The following ECT2L variants were observed in gnomAD, a reference collection of about 807,000 sequenced individuals.
ECT2L encodes epithelial cell transforming 2 like, also known as epithelial cell-transforming sequence 2 oncogene-like.
A neutral mutation model predicts 122.8 loss-of-function variants in ECT2L; 126 were observed. The ratio of observed to expected loss-of-function variants is 1.03; its 90% CI spans 0.89 to 1.19. ECT2L has a LOEUF of 1.19. Ranked by LOEUF, ECT2L falls within the 50% of genes most tolerant of loss-of-function variation. The pLI is 0.00. For synonymous variants in ECT2L, 385 were observed against 381.8 expected, an observed-to-expected ratio of 1.01 and a Z score of -0.10; for missense variants, 1,012 against 1,064.1, an observed-to-expected ratio of 0.95 and a Z score of 0.68.
At chr6:138,855,552 T>C (rs1029277235) in intron 10 of ECT2L, among the ~76,000 whole-genome samples, 2 of 152,118 alleles carry the variant, frequency 1.3e-5, no homozygotes, top group Non-Finnish European at 2.9e-5. Flanking sequence ...AAAGGAAATA[T>C]ACCAAAATAT....
In ECT2L at chr6:138,901,012, C is replaced by T. The variant is rs539507764; in HGVS notation, c.2479C>T (p.Arg827Trp). ...LFNDALLVSS[R>W]GTSHTPFERT... The stretch of plus-strand genomic sequence containing the variant: ...CAATGATGCCCTGCTCGTTTCTAGT[C>T]GGGGCACATCTCACACTCCATTTGA... The change falls in exon 21 of 22, where the codon CGG (arginine) becomes TGG (tryptophan). Residue 827 changes from arginine to tryptophan, a missense_variant. Physicochemically the swap from Arg to Trp is moderately radical, Grantham distance 101. Transcript: ENST00000541398. 53 of 1,614,190 alleles carry T rather than the reference C, an allele frequency of 3.3e-5. No homozygotes were observed. The highest frequency in any genetic ancestry group is 1.6e-4 in the Middle Eastern group (1 of 6,062).
chr6:138,848,802 C>T (rs1282108372), intron 8 of ECT2L, among the ~76,000 whole-genome samples: 6 of 152,204 alleles, frequency 3.9e-5, no homozygotes, highest in East Asian at 1.9e-4. Context: ...TACAGCTACA[C>T]GCCACCACAC....
At chr6:138,882,668 G>A in intron 15 of ECT2L, 56 bp from the exon 16 acceptor site, 1 of 1,595,684 alleles carries the variant, frequency 6.3e-7, no homozygotes. Context: ...TGGATATTTG[G>A]GTTTGTAAGT....
intron 4 of ECT2L, among the ~76,000 whole-genome samples, chr6:138,824,169 A>C (rs901307454): frequency 1.3e-5 from 2 of 152,042 alleles, no homozygotes; most frequent in African/African-American, 4.8e-5. Flanking sequence ...ACCAATTTCA[A>C]TTTCCTGGTT....
Position 138,844,410 on chromosome 6 carries a change from A to G in ECT2L, c.596-2A>G. On this transcript the variant is annotated splice_acceptor_variant, in intron 6 of 21. Coordinates refer to ENST00000541398, the MANE Select transcript of ECT2L (RefSeq NM_001077706.3). LOFTEE classifies it high-confidence loss of function. Reference sequence around the variant, plus strand: ...CCCCGCCTGCTGTTCTTTGTTTTTCAGAGGAGTTATTCAAAGTTCGACCCC... The same window carrying G: ...CCCCGCCTGCTGTTCTTTGTTTTTCGGAGGAGTTATTCAAAGTTCGACCCC... 1 of 1,612,978 alleles carries G rather than the reference A, an allele frequency of 6.2e-7. No homozygotes were observed. The highest frequency in any genetic ancestry group is 1.1e-5 in the South Asian group (1 of 91,038).
chr6:138,887,254 T>C (rs1778862005), intron 19 of ECT2L, among the ~76,000 whole-genome samples: 1 of 149,322 alleles, frequency 6.7e-6, no homozygotes, highest in South Asian at 2.1e-4. Context: ...TGAGACCGAG[T>C]CTCACACTGT....
rs1776561707 is a variant in ECT2L at position 138,829,103 on chromosome 6, C to T, written c.180-9249C>T. On this transcript the variant is annotated intron_variant, in intron 4 of 21. Transcript: ENST00000541398. ...GAACTCCTGGCCTCAAATTATCCTC[C>T]CACCTTGGCCTACCAAAGTACTGGG... Among the ~76,000 whole-genome samples, 4 of 152,038 alleles carry T rather than the reference C, an allele frequency of 2.6e-5. No homozygotes were observed. In the South Asian group the frequency reaches 8.3e-4, roughly 32 times the overall value.
chr6:138,801,966 C>A (rs1294604092), intron 1 of ECT2L, among the ~76,000 whole-genome samples: 1 of 152,148 alleles, frequency 6.6e-6, no homozygotes, highest in Non-Finnish European at 1.5e-5. Context: ...GTTTGCTAAA[C>A]CCCGGTTCTG....
At chr6:138,890,492 C>CTTTATTTTTTTTTTTTTTTTTTTTTTTTT (rs1778980279) in intron 20 of ECT2L, among the ~76,000 whole-genome samples, 1 of 78,990 alleles carries the variant, frequency 1.3e-5, no homozygotes, top group Non-Finnish European at 2.2e-5. Flanking sequence ...TTTCTTTGAT[C>CTTTATTTTTTTTTTTTTTTTTTTTTTTTT]TTTTTTTTTT....
rs752657454 is a variant in ECT2L at position 138,844,488 on chromosome 6, A to T, written c.672A>T (p.Pro224=). The change falls in exon 7 of 22, where the codon CCA becomes CCT. Residue 224 remains proline, a synonymous_variant. Coordinates refer to ENST00000541398, the MANE Select transcript of ECT2L (RefSeq NM_001077706.3). The stretch of plus-strand genomic sequence containing the variant: ...GCGTGCTAAAGCCCAGATGCCAACC[A>T]CGCCTCTCCCAGACTGTAAGGGAGC... ...CSSVLKPRCQ[P]RLSQTVRERV... is the part of the protein sequence containing the mutation. The T allele has an allele frequency of 6.2e-7, 1 of 1,614,118 alleles. No homozygotes were observed. Among genetic ancestry groups the T allele is most frequent in the Admixed American group, 1.7e-5 (1 of 60,022 alleles).
intron 4 of ECT2L, among the ~76,000 whole-genome samples, chr6:138,834,520 G>C (rs1776755332): frequency 6.6e-6 from 1 of 152,092 alleles, no homozygotes. Flanking sequence ...GATGCTGTGA[G>C]GTGGGAAGGT....
At chr6:138,855,371 TG>T in intron 10 of ECT2L, among the ~76,000 whole-genome samples, 1 of 152,000 alleles carries the variant, frequency 6.6e-6, no homozygotes, top group Non-Finnish European at 1.5e-5. Flanking sequence ...TAGCTGGGCG[TG>T]GTGGCAGACA....
At chr6:138,899,877 C>G (rs889947240) in intron 20 of ECT2L, among the ~76,000 whole-genome samples, 4 of 152,204 alleles carry the variant, frequency 2.6e-5, no homozygotes, top group Non-Finnish European at 5.9e-5. Context: ...GCTATCACCA[C>G]TCACTGCTCG....
intron 1 of ECT2L, among the ~76,000 whole-genome samples, chr6:138,801,262 T>C (rs1355597449): frequency 8.5e-5 from 13 of 152,184 alleles, no homozygotes; most frequent in Non-Finnish European, 1.8e-4. Flanking sequence ...GGGAGGAAGC[T>C]TCTAAAATGG....
Position 138,865,072 on chromosome 6 carries a change from G to A in ECT2L, c.1368G>A (p.Thr456=), listed in dbSNP as rs762663457. ...ACTTCTGCGAATCGAAGCTACAGAC[G>A]TGGTCCAGCTTCACAGACTTCCTAG... ...SIYFCESKLQ[T]WSSFTDFLEE... Residue 456 remains threonine (T), a synonymous_variant, in exon 12 of 22, where the codon ACG becomes ACA. Coordinates refer to ENST00000541398, the MANE Select transcript of ECT2L (RefSeq NM_001077706.3). The A allele has an allele frequency of 4.3e-5, 70 of 1,613,976 alleles. No individual in the cohort carries two copies. The highest frequency in any genetic ancestry group is 6.7e-5 in the East Asian group (3 of 44,886).
intron 21 of ECT2L, 72 bp downstream of exon 21, chr6:138,901,192 C>A: frequency 1.4e-6 from 2 of 1,446,584 alleles, no homozygotes; most frequent in Admixed American, 2.2e-5. Flanking sequence ...TTTAACAGAA[C>A]AGTAGAAAAA....
chr6:138,876,356 A>G (rs1002624082), intron 13 of ECT2L, 116 bp from the exon 14 acceptor site: 2 of 656,164 alleles, frequency 3.0e-6, no homozygotes, highest in South Asian at 1.9e-5. Flanking sequence ...TGTGTAGGGA[A>G]CACTGTGGTT....
intron 6 of ECT2L, among the ~76,000 whole-genome samples, chr6:138,844,132 G>T (rs1777136282): frequency 6.6e-6 from 1 of 152,226 alleles, no homozygotes. Flanking sequence ...GGGCACAAAT[G>T]AATGTGACAC....
chr6:138,870,401 T>C (rs1778211256), intron 13 of ECT2L: 1 of 152,586 alleles, frequency 6.6e-6, no homozygotes, highest in Non-Finnish European at 1.5e-5. Context: ...AATCATTATA[T>C]GAGCTCTACT....
Sources: gnomAD v4.1 joint callset for allele counts (sites outside exome capture counted in the v4.1 genomes callset) on GRCh38, gnomAD v4.1.1 for gene constraint, MANE v1.5 for transcripts, NCBI Gene and HGNC (gene_info 2026-07-23, HGNC 2026-07-21) for gene names.